The following CDC14A variants were observed in gnomAD, a reference collection of about 807,000 sequenced individuals.
CDC14A encodes dual specificity protein phosphatase CDC14A.
A neutral mutation model predicts 74.4 loss-of-function variants in CDC14A; 53 were observed. That is an observed-to-expected ratio of 0.71 (90% confidence interval 0.57 to 0.89). CDC14A has a LOEUF of 0.89. Ranked by LOEUF, CDC14A falls within the 40% of genes least tolerant of loss-of-function variation. CDC14A has a pLI of 0.00. For missense variants in CDC14A, 646 were observed against 713.7 expected (o/e 0.91, Z 1.08); for synonymous variants, 247 against 258.4 (o/e 0.96, Z 0.43).
intron 7 of CDC14A, among the ~76,000 whole-genome samples, chr1:100,453,913 A>T (rs1292470399): frequency 6.6e-6 from 1 of 152,244 alleles, no homozygotes; most frequent in Non-Finnish European, 1.5e-5. Context: ...AAGTGCTGGG[A>T]TTACAGGCGC....
chr1:100,498,725 G>A (rs973050631), intron 14 of CDC14A, among the ~76,000 whole-genome samples: 1 of 152,128 alleles, frequency 6.6e-6, no homozygotes, highest in East Asian at 1.9e-4. Flanking sequence ...TTTTGACAAA[G>A]CAACTTGATA....
intron 2 of CDC14A, among the ~76,000 whole-genome samples, chr1:100,361,283 T>G (rs922085839): frequency 2.0e-5 from 3 of 152,208 alleles, no homozygotes; most frequent in Non-Finnish European, 4.4e-5. Context: ...TGCAGAACAC[T>G]GTACTAATGC....
chr1:100,488,732 A>T (rs1209796675), intron 11 of CDC14A, among the ~76,000 whole-genome samples: 1 of 152,248 alleles, frequency 6.6e-6, no homozygotes, highest in African/African-American at 2.4e-5. Context: ...TTTTAATTAC[A>T]TCTTTGAGAC....
At position 100,407,044 on chromosome 1, in the gene CDC14A, C is replaced by T. The variant is rs189143172; in HGVS notation, c.309+16220C>T. ...GTCTTATTTCTGAGTTCTCTATTCT[C>T]TCCATTGGTCTTTGTGTCTGTTCTT... is the stretch of plus-strand genomic sequence containing the variant. On this transcript the variant is annotated intron_variant, in intron 4 of 15. Transcript: ENST00000336454. 1.5e-3 allele frequency among the ~76,000 whole-genome samples: 221 copies of T among 151,798 alleles called. 1 individual carries two copies. Among genetic ancestry groups the T allele is most frequent in the Admixed American group, 4.1e-3 (63 of 15,250 alleles).
chr1:100,391,011 T>A, intron 4 of CDC14A, 187 bp downstream of exon 4: 2 of 641,356 alleles, frequency 3.1e-6, no homozygotes, highest in South Asian at 3.2e-5. Context: ...AGATTTTATT[T>A]TCTACTAGTT....
In CDC14A at chr1:100,518,240, TCCCTGCACAGTC is replaced by T. The variant is rs904972890; in HGVS notation, c.1756-8_1759del. 5.0e-6 allele frequency: 8 copies of T among 1,609,092 alleles called. No homozygotes were observed. In the African/African-American group the frequency reaches 1.1e-4, roughly 22 times the overall value. ...GGAATTTAACCTCAGTTTATGTCTC[TCCCTGCACAGTC>T]CCTTCAGTCTGAATATGTTCATTAC... is the stretch of plus-strand genomic sequence containing the variant. On this transcript the variant is annotated splice_acceptor_variant and splice_polypyrimidine_tract_variant and coding_sequence_variant and intron_variant, in exon 16 of 16. Transcript: ENST00000336454. LOFTEE classifies it high-confidence loss of function.
Position 100,455,484 on chromosome 1 carries a change from T to C in CDC14A, c.599T>C (p.Ile200Thr), listed in dbSNP as rs1666591785. The C allele has an allele frequency of 6.3e-7, 1 of 1,579,510 alleles. No individual in the cohort carries two copies. Among genetic ancestry groups the C allele is most frequent in the Non-Finnish European group, 8.6e-7 (1 of 1,163,798 alleles). ...AFSGPHPKSK[I>T]ENGYPLHAPE... ...AGTGGACCACATCCTAAAAGCAAAA[T>C]TGAGAATGGTAGGTTTTTTTTTCCT... Residue 200 changes from isoleucine to threonine, a missense_variant, in exon 8 of 16, where the codon ATT becomes ACT. Physicochemically the swap from Ile to Thr is moderately conservative, Grantham distance 89. Coordinates refer to ENST00000336454, the MANE Select transcript of CDC14A (RefSeq NM_003672.4).
chr1:100,346,921 A>G (rs1650479255), intron 1 of CDC14A, among the ~76,000 whole-genome samples: 1 of 152,234 alleles, frequency 6.6e-6, no homozygotes, highest in Non-Finnish European at 1.5e-5. Flanking sequence ...GAATGCTGGT[A>G]TACCATTCCA....
At chr1:100,409,873 GTT>G (rs1168344170) in intron 4 of CDC14A, among the ~76,000 whole-genome samples, 1 of 152,192 alleles carries the variant, frequency 6.6e-6, no homozygotes, top group African/African-American at 2.4e-5. Flanking sequence ...AATCTCATCA[GTT>G]TGAATGTGGT....
At chr1:100,459,793 C>T (rs1032146972) in intron 8 of CDC14A, among the ~76,000 whole-genome samples, 1 of 152,154 alleles carries the variant, frequency 6.6e-6, no homozygotes, top group African/African-American at 2.4e-5. Flanking sequence ...AAACCAATCT[C>T]TCGCAAAAAG....
At position 100,382,879 on chromosome 1, in the gene CDC14A, T is replaced by C. The variant is rs79646830; in HGVS notation, c.216+5258T>C. ...AGATGGTGGGGCTTAGGGAATGTCC[T>C]TGTTGCTGAATGAATCAGTGCCATA... On this transcript the variant is annotated intron_variant, in intron 3 of 15. Coordinates refer to ENST00000336454, the MANE Select transcript of CDC14A (RefSeq NM_003672.4). 1.6e-3 allele frequency among the ~76,000 whole-genome samples: 243 copies of C among 152,374 alleles called. 4 individuals are homozygous for C. The highest frequency in any genetic ancestry group is 5.5e-3 in the African/African-American group (230 of 41,602).
At chr1:100,470,877 A>C (rs1377126095) in intron 10 of CDC14A, among the ~76,000 whole-genome samples, 1 of 152,156 alleles carries the variant, frequency 6.6e-6, no homozygotes, top group African/African-American at 2.4e-5. Context: ...GCCATTTCTC[A>C]TAACGTTAAT....
intron 3 of CDC14A, among the ~76,000 whole-genome samples, chr1:100,388,948 G>A (rs1208163518): frequency 6.6e-6 from 1 of 152,156 alleles, no homozygotes; most frequent in African/African-American, 2.4e-5. Flanking sequence ...GCCAAGGCAG[G>A]TGGATCACTT....
At chr1:100,374,329 G>A (rs984806611) in intron 2 of CDC14A, among the ~76,000 whole-genome samples, 2 of 152,080 alleles carry the variant, frequency 1.3e-5, no homozygotes, top group African/African-American at 4.8e-5. Flanking sequence ...CCAGTAATGG[G>A]ATGGCTGGGT....
rs755862129 is a variant in CDC14A, at chr1:100,484,410, G to A, written c.1096G>A (p.Gly366Arg). The A allele has an allele frequency of 1.9e-6, 3 of 1,604,836 alleles. No individual in the cohort carries two copies. The highest frequency in any genetic ancestry group is 1.1e-5 in the South Asian group (1 of 89,322). The change falls in exon 11 of 16, where the codon GGA becomes AGA. Residue 366 changes from glycine to arginine, a missense_variant. Gly to Arg is a moderately radical substitution (Grantham distance 125). Transcript: ENST00000336454. The stretch of plus-strand genomic sequence containing the variant: ...TGGCCTAGATGATATGTCTATTGGT[G>A]GAAATCTTTCAAAAACACAAAACAT... ...LSGLDDMSIG[G>R]NLSKTQNMER... is the part of the protein sequence containing the mutation.
At position 100,407,008 on chromosome 1, in the gene CDC14A, G is replaced by A. The variant is rs1191809639; in HGVS notation, c.309+16184G>A. The stretch of plus-strand genomic sequence containing the variant: ...CAGGTTTGTTGAAGATCCTATGTTT[G>A]TAGGTGGGTGGTCTTATTTCTGAGT... On this transcript the variant is annotated intron_variant, in intron 4 of 15. Coordinates refer to ENST00000336454, the MANE Select transcript of CDC14A (RefSeq NM_003672.4). Among the ~76,000 whole-genome samples, 4 of 150,832 alleles carry A rather than the reference G, an allele frequency of 2.7e-5. 1 individual carries two copies. The highest frequency in any genetic ancestry group is 4.4e-5 in the Non-Finnish European group (3 of 67,800).
intron 4 of CDC14A, among the ~76,000 whole-genome samples, chr1:100,401,468 A>G (rs1349591946): frequency 6.6e-6 from 1 of 152,236 alleles, no homozygotes; most frequent in Non-Finnish European, 1.5e-5. Flanking sequence ...TAAAAATAAC[A>G]GCAAGAATCA....
At chr1:100,375,221 G>T (rs1655073419) in intron 2 of CDC14A, among the ~76,000 whole-genome samples, 1 of 152,138 alleles carries the variant, frequency 6.6e-6, no homozygotes, top group South Asian at 2.1e-4. Flanking sequence ...CTTAGATAAA[G>T]AATACATTTA....
chr1:100,428,317 C>G (rs1400017425), intron 5 of CDC14A, among the ~76,000 whole-genome samples: 1 of 152,164 alleles, frequency 6.6e-6, no homozygotes, highest in Non-Finnish European at 1.5e-5. Flanking sequence ...GTGTCAAAAA[C>G]TGTATTCACT....
Sources: gnomAD v4.1 joint callset for allele counts (sites outside exome capture counted in the v4.1 genomes callset) on GRCh38, gnomAD v4.1.1 for gene constraint, MANE v1.5 for transcripts, NCBI Gene and HGNC (gene_info 2026-07-23, HGNC 2026-07-21) for gene names.